Variants in TMPRSS15 observed in about 807,000 individuals in gnomAD.
TMPRSS15 encodes enteropeptidase.
TMPRSS15 carries 128 observed loss-of-function variants against 125.3 expected under a neutral mutation model. The ratio of observed to expected loss-of-function variants is 1.02; its 90% confidence interval spans 0.89 to 1.18. TMPRSS15 has a LOEUF of 1.18. Ranked by LOEUF, TMPRSS15 falls within the 50% of genes most tolerant of loss-of-function variation. The pLI is 0.00. For missense variants in TMPRSS15, 1,283 were observed against 1,212.7 expected (o/e 1.06, Z -0.86); for synonymous variants, 446 against 423.2 (o/e 1.05, Z -0.66).
rs1372531139 is a variant in TMPRSS15, at chr21:18,297,785, G to T, written c.2210C>A (p.Pro737Gln). 1 of 1,613,758 alleles carries T rather than the reference G, an allele frequency of 6.2e-7. No homozygotes were observed. The highest frequency in any genetic ancestry group is 2.2e-5 in the East Asian group (1 of 44,822). Residue 737 changes from proline to glutamine, a missense_variant, in exon 19 of 25, where the codon CCA becomes CAA. Pro to Gln is a moderately conservative substitution (Grantham distance 76). Coordinates refer to ENST00000284885, the MANE Select transcript of TMPRSS15 (RefSeq NM_002772.3). ...SKPIFPTDGGPFVKLNTAPDG... is the reference protein window; with the variant it reads ...SKPIFPTDGGQFVKLNTAPDG... ...AGGTGCTGTGTTTAATTTGACAAAT[G>T]GTCCACCATCGGTAGGGAAGATTGG...
upstream of TMPRSS15, among the ~76,000 whole-genome samples, chr21:18,405,968 T>C (rs1431492108): frequency 6.6e-6 from 1 of 152,210 alleles, no homozygotes; most frequent in Admixed American, 6.5e-5. Flanking sequence ...GCCACAGACT[T>C]GTGTTTTTTT....
intron 3 of TMPRSS15, among the ~76,000 whole-genome samples, chr21:18,384,573 G>C (rs1229020507): frequency 6.6e-6 from 1 of 151,982 alleles, no homozygotes; most frequent in Non-Finnish European, 1.5e-5. Context: ...TGGTGAATAG[G>C]GATACTTGGG....
chr21:18,354,093 A>G (rs980842070), intron 8 of TMPRSS15, among the ~76,000 whole-genome samples: 28 of 151,948 alleles, frequency 1.8e-4, no homozygotes, highest in South Asian at 6.2e-4. Context: ...ATGGTTTGAT[A>G]AAAAAGGTAT....
chr21:18,340,625 A>C (rs1300334822), intron 13 of TMPRSS15, among the ~76,000 whole-genome samples: 1 of 152,192 alleles, frequency 6.6e-6, no homozygotes, highest in Admixed American at 6.5e-5. Context: ...TAGGTGATCT[A>C]TGTCTGTATG....
At chr21:18,341,838 T>C (rs1385061849) in intron 12 of TMPRSS15, among the ~76,000 whole-genome samples, 1 of 152,228 alleles carries the variant, frequency 6.6e-6, no homozygotes, top group African/African-American at 2.4e-5. Flanking sequence ...TCTGTGTCTC[T>C]CTTATGATAT....
At position 18,469,627 on chromosome 21, in the gene TMPRSS15, TATACA is replaced by T. The variant is rs201977590; in HGVS notation, c.10+16167_10+16171del. Among the ~76,000 whole-genome samples the T allele has an allele frequency of 4.1e-4, 62 of 152,076 alleles. 1 individual carries two copies. In the East Asian group the frequency reaches 8.1e-3, roughly 20 times the overall value. On this transcript the variant is annotated intron_variant, in intron 1 of 7. Transcript: ENST00000422787. ...ACTTTGATTTAAATCAGGAAGAAAG[TATACA>T]ATACAAGAGCCACATATCATGATAG...
At chr21:18,275,743 C>T (rs147989924) in intron 23 of TMPRSS15, among the ~76,000 whole-genome samples, 3 of 152,284 alleles carry the variant, frequency 2.0e-5, no homozygotes, top group Non-Finnish European at 2.9e-5. Context: ...GTGCTCGCTT[C>T]TGTATAATAG....
chr21:18,470,456 AC>A (rs766657966), intron 1 of TMPRSS15, among the ~76,000 whole-genome samples: 32 of 152,184 alleles, frequency 2.1e-4, no homozygotes, highest in Non-Finnish European at 3.5e-4. Flanking sequence ...AAGAACTCTT[AC>A]CCCAACCGAA....
At chr21:18,364,867 C>T (rs949788762) in intron 7 of TMPRSS15, among the ~76,000 whole-genome samples, 7 of 152,122 alleles carry the variant, frequency 4.6e-5, no homozygotes, top group African/African-American at 1.7e-4. Flanking sequence ...TGCCTGGCCG[C>T]ACATGAATAA....
intron 1 of TMPRSS15, among the ~76,000 whole-genome samples, chr21:18,463,974 A>G (rs1978603697): frequency 6.6e-6 from 1 of 151,944 alleles, no homozygotes; most frequent in Admixed American, 6.6e-5. Flanking sequence ...GGAGATGGAG[A>G]CCATCCTGGC....
At chr21:18,452,985 T>G (rs1349900699) in intron 1 of TMPRSS15, among the ~76,000 whole-genome samples, 2 of 152,170 alleles carry the variant, frequency 1.3e-5, no homozygotes, top group African/African-American at 2.4e-5. Flanking sequence ...TAACAAAGTT[T>G]GAAGTGCACA....
At chr21:18,326,615 G>A in intron 15 of TMPRSS15, 43 bp from the exon 16 acceptor site, 3 of 1,612,778 alleles carry the variant, frequency 1.9e-6, no homozygotes, top group East Asian at 2.2e-5. Flanking sequence ...ATGATCCTTT[G>A]GATCTAGAAG....
intron 1 of TMPRSS15, among the ~76,000 whole-genome samples, chr21:18,420,871 G>C (rs2076190732): frequency 6.6e-6 from 1 of 152,118 alleles, no homozygotes; most frequent in African/African-American, 2.4e-5. Flanking sequence ...GAAGTATCTA[G>C]GGAGGATTTC....
rs1366558092 is a variant in TMPRSS15, at chr21:18,298,618, C to T, written c.2166-789G>A. On this transcript the variant is annotated intron_variant, in intron 18 of 24. Coordinates refer to ENST00000284885, the MANE Select transcript of TMPRSS15 (RefSeq NM_002772.3). Reference sequence around the variant, plus strand: ...TTTAGACTTAGCTGGAGACTTTTAGCTTTTAATTCTTAATCTTGTTTCTTG... The same window carrying T: ...TTTAGACTTAGCTGGAGACTTTTAGTTTTTAATTCTTAATCTTGTTTCTTG... Among the ~76,000 whole-genome samples, 2 of 152,140 alleles carry T rather than the reference C, an allele frequency of 1.3e-5. 1 individual carries two copies. Among genetic ancestry groups the T allele is most frequent in the South Asian group, 4.1e-4 (2 of 4,834 alleles).
At chr21:18,443,850 T>C (rs1439643341) in intron 1 of TMPRSS15, among the ~76,000 whole-genome samples, 2 of 152,190 alleles carry the variant, frequency 1.3e-5, no homozygotes, top group Non-Finnish European at 2.9e-5. Flanking sequence ...GCAGTACCGC[T>C]TTTGTGTGAA....
intron 23 of TMPRSS15, among the ~76,000 whole-genome samples, chr21:18,276,022 CATG>C (rs2074615571): frequency 6.6e-6 from 1 of 152,184 alleles, no homozygotes; most frequent in African/African-American, 2.4e-5. Context: ...AGAAAAGGTA[CATG>C]ATAAGCACTT....
chr21:18,420,224 TTG>T (rs1226455501), intron 1 of TMPRSS15, among the ~76,000 whole-genome samples: 1 of 152,222 alleles, frequency 6.6e-6, no homozygotes, highest in African/African-American at 2.4e-5. Context: ...AATGAATGGT[TTG>T]GATGAGGCAA....
chr21:18,318,545 A>C (rs1480225036), intron 16 of TMPRSS15, among the ~76,000 whole-genome samples: 1 of 152,254 alleles, frequency 6.6e-6, no homozygotes, highest in Non-Finnish European at 1.5e-5. Context: ...TATTAAGCCA[A>C]GGTCTGTGCC....
At chr21:18,480,662 T>G (rs1383062359) in intron 1 of TMPRSS15, among the ~76,000 whole-genome samples, 2 of 151,824 alleles carry the variant, frequency 1.3e-5, no homozygotes, top group Non-Finnish European at 2.9e-5. Context: ...GTGACCTGCA[T>G]GATTTATTTG....
Sources: allele counts gnomAD v4.1 joint callset (sites outside exome capture counted in the v4.1 genomes callset), GRCh38; gene constraint gnomAD v4.1.1; transcripts MANE v1.5; gene names NCBI Gene and HGNC (gene_info 2026-07-23, HGNC 2026-07-21).